WAPL: variants seen among roughly 807,000 people sequenced by gnomAD.
WAPL encodes wings apart-like protein homolog.
WAPL carries 5 observed loss-of-function variants against 121.0 expected under a neutral mutation model. The ratio of observed to expected loss-of-function variants is 0.04; its 90% CI spans 0.02 to 0.09. The LOEUF (loss-of-function observed/expected upper bound fraction) is 0.09, where lower values mean the gene tolerates loss of function less well. Ranked by LOEUF, WAPL falls within the 10% of genes least tolerant of loss-of-function variation. The probability of loss-of-function intolerance (pLI) is 1.00; values close to 1 mark genes in which losing one functional copy is unlikely to be tolerated. For missense variants in WAPL, 999 were observed against 1,410.8 expected (o/e 0.71, Z 4.68); for synonymous variants, 480 against 481.5 (o/e 1.00, Z 0.04).
chr10:86,517,980 G>C lies in WAPL; in HGVS notation c.90C>G (p.Thr30=), dbSNP rs769308513. The change falls in exon 2 of 19, where the codon ACC becomes ACG. Residue 30 remains threonine (T), a synonymous_variant. Transcript: ENST00000298767. ...FDEVFSNKRT[T]LSTKWGETTF... is the part of the protein sequence containing the mutation. ...TGGTCTCTCCCCATTTTGTGCTAAGGGTAGTCCGTTTGTTGGAAAAGACTT... is the reference window on the plus strand; with the variant it reads ...TGGTCTCTCCCCATTTTGTGCTAAGCGTAGTCCGTTTGTTGGAAAAGACTT... 11 of 1,613,964 alleles carry C rather than the reference G, an allele frequency of 6.8e-6. No individual in the cohort carries two copies. Among genetic ancestry groups the C allele is most frequent in the South Asian group, 1.1e-5 (1 of 91,078 alleles).
chr10:86,465,303 T>A (rs999535822), intron 9 of WAPL, among the ~76,000 whole-genome samples: 18 of 152,274 alleles, frequency 1.2e-4, no homozygotes, highest in Middle Eastern at 3.4e-3. Context: ...GGTTCCAGGT[T>A]CAGGCGATTC....
chr10:86,515,521 G>A (rs935217755), intron 2 of WAPL, among the ~76,000 whole-genome samples: 4 of 152,042 alleles, frequency 2.6e-5, no homozygotes, highest in African/African-American at 4.8e-5. Flanking sequence ...GATGGCTCAC[G>A]CTTGCAATCC....
At chr10:86,445,883 T>C (rs1428572378) in intron 16 of WAPL, among the ~76,000 whole-genome samples, 1 of 152,126 alleles carries the variant, frequency 6.6e-6, no homozygotes, top group Admixed American at 6.5e-5. Context: ...AATCTGACAA[T>C]AGATCTTCAA....
intron 3 of WAPL, 86 bp downstream of exon 3, chr10:86,499,632 A>C (rs1474748455): frequency 3.6e-6 from 5 of 1,373,384 alleles, no homozygotes; most frequent in Admixed American, 4.9e-5. Context: ...AATATGGTTG[A>C]CCTTGGGTAA....
At chr10:86,466,261 T>G (rs762861438) in intron 9 of WAPL, among the ~76,000 whole-genome samples, 1 of 152,170 alleles carries the variant, frequency 6.6e-6, no homozygotes, top group African/African-American at 2.4e-5. Flanking sequence ...CTGGGATAAA[T>G]AGATGCTTGC....
At chr10:86,485,669 G>T (rs939386525) in intron 4 of WAPL, among the ~76,000 whole-genome samples, 1 of 152,092 alleles carries the variant, frequency 6.6e-6, no homozygotes, top group Non-Finnish European at 1.5e-5. Flanking sequence ...AAGCCTTTTT[G>T]ACTTATACAG....
intron 4 of WAPL, among the ~76,000 whole-genome samples, chr10:86,493,906 G>A (rs1269276236): frequency 6.6e-6 from 1 of 152,198 alleles, no homozygotes; most frequent in Non-Finnish European, 1.5e-5. Context: ...AGGAGGCTAA[G>A]GCAGGAGAAT....
chr10:86,475,902 T>C (rs1165851965), intron 4 of WAPL, among the ~76,000 whole-genome samples: 1 of 152,196 alleles, frequency 6.6e-6, no homozygotes, highest in Non-Finnish European at 1.5e-5. Context: ...TTGATTGGGC[T>C]AGGCACAGTG....
At chr10:86,479,123 AAC>A (rs1491285435) in intron 4 of WAPL, among the ~76,000 whole-genome samples, 3 of 151,014 alleles carry the variant, frequency 2.0e-5, no homozygotes, top group Non-Finnish European at 4.4e-5. Context: ...AAACAAAAAA[AAC>A]AAAACAACAA....
At chr10:86,445,588 AAT>A (rs746202846) in intron 16 of WAPL, among the ~76,000 whole-genome samples, 23 of 152,032 alleles carry the variant, frequency 1.5e-4, no homozygotes, top group Admixed American at 1.2e-3. Flanking sequence ...GCAGTGGCAC[AAT>A]CATAGCTCAC....
rs1159757301 is a variant in WAPL at position 86,453,801 on chromosome 10, C to A, written c.2688G>T (p.Gln896His). Residue 896 changes from glutamine (Q) to histidine (H), a missense_variant, in exon 13 of 19, where the codon CAG becomes CAT. Physicochemically the swap from Gln to His is conservative, Grantham distance 24 (BLOSUM62 0). Around this residue, in one of 7 missense-constraint regions of WAPL, gnomAD observed 85 missense variants for 133.5 expected, o/e 0.64. Coordinates refer to ENST00000298767, the MANE Select transcript of WAPL (RefSeq NM_015045.5). ...KALQHCEELI[Q>H]QYNRAEDSIC... The stretch of plus-strand genomic sequence containing the variant: ...TGCTGTCCTCAGCACGGTTGTACTG[C>A]TGAATCAGTTCTTCACAATGCTGTA... The A allele has an allele frequency of 1.9e-6, 3 of 1,611,716 alleles. No individual in the cohort carries two copies. The highest frequency in any genetic ancestry group is 2.5e-6 in the Non-Finnish European group (3 of 1,179,432).
intron 2 of WAPL, among the ~76,000 whole-genome samples, chr10:86,507,827 C>T (rs756170555): frequency 2.1e-4 from 32 of 151,970 alleles, no homozygotes; most frequent in Non-Finnish European, 4.4e-4. Flanking sequence ...CCCCTTTCTC[C>T]CCTTTCTCCT....
At chr10:86,484,599 ATAAAG>A (rs1284443579) in intron 4 of WAPL, among the ~76,000 whole-genome samples, 1 of 152,250 alleles carries the variant, frequency 6.6e-6, no homozygotes, top group African/African-American at 2.4e-5. Flanking sequence ...TACAGTCTTT[ATAAAG>A]TCTACAGTAG....
At chr10:86,469,588 G>A (rs1436071234) in intron 8 of WAPL, among the ~76,000 whole-genome samples, 1 of 151,776 alleles carries the variant, frequency 6.6e-6, no homozygotes, top group East Asian at 1.9e-4. Context: ...AATACTGAAG[G>A]TGAAATATTT....
intron 2 of WAPL, among the ~76,000 whole-genome samples, chr10:86,514,105 T>C (rs1478404294): frequency 1.3e-5 from 2 of 152,136 alleles, no homozygotes; most frequent in Non-Finnish European, 2.9e-5. Context: ...GTTTCTAAAT[T>C]TCAATTAAAA....
chr10:86,446,978 C>T (rs977419421), intron 15 of WAPL, among the ~76,000 whole-genome samples: 1 of 152,126 alleles, frequency 6.6e-6, no homozygotes, highest in Non-Finnish European at 1.5e-5. Context: ...AAAATAATAT[C>T]TTTCAGAAAA....
chr10:86,489,398 C>A lies in WAPL; in HGVS notation c.1644+7803G>T, dbSNP rs566370658. ...TAACTCTTTGGTTTTGATGGGTATT[C>A]TGTGGCAGTAAAGCAAAGTGCTCTT... On this transcript the variant is annotated intron_variant, in intron 4 of 18. Transcript: ENST00000298767. Among the ~76,000 whole-genome samples, 29 of 152,260 alleles carry A rather than the reference C, an allele frequency of 1.9e-4. No homozygotes were observed. In the East Asian group the frequency reaches 5.6e-3, roughly 29 times the overall value.
Position 86,517,736 on chromosome 10 carries a change from C to A in WAPL, c.334G>T (p.Val112Leu), listed in dbSNP as rs1842587851. Residue 112 changes from valine (V) to leucine (L), a missense_variant, in exon 2 of 19, where the codon GTA becomes TTA. Transcript: ENST00000298767. ...EAAQLEEVTS[V>L]LEANSKISHV... ...CTAATTTTGCTATTAGCTTCAAGTA[C>A]TGAAGTGACCTCTTCCAACTGAGCA... 3 of 1,614,006 alleles carry A rather than the reference C, an allele frequency of 1.9e-6. No individual in the cohort carries two copies. In the Admixed American group the frequency reaches 5.0e-5, roughly 27 times the overall value.
rs1289565256 is a variant in WAPL, at chr10:86,499,857, T to G, written c.1386A>C (p.Glu462Asp). The G allele has an allele frequency of 1.2e-6, 2 of 1,614,060 alleles. No individual in the cohort carries two copies. The highest frequency in any genetic ancestry group is 2.2e-5 in the South Asian group (2 of 91,044). ...CTTGACAGTCATCATCTTCATCATCTTCGCTTTCACTGAGATCATCAAAGC... is the reference window on the plus strand; with the variant it reads ...CTTGACAGTCATCATCTTCATCATCGTCGCTTTCACTGAGATCATCAAAGC... ...YFGFDDLSES[E>D]DDEDDDCQVE... Residue 462 changes from glutamate to aspartate, a missense_variant, in exon 3 of 19, where the codon GAA becomes GAC. Physicochemically the swap from Glu to Asp is conservative, Grantham distance 45. This residue lies in a region of WAPL where 531 missense variants were observed against 563.1 expected (regional missense o/e 0.94). Coordinates refer to ENST00000298767, the MANE Select transcript of WAPL (RefSeq NM_015045.5).
Sources: gnomAD v4.1 joint callset for allele counts (sites outside exome capture counted in the v4.1 genomes callset) on GRCh38, gnomAD v4.1.1 for gene constraint, gnomAD v4.1.1 regional missense constraint, MANE v1.5 for transcripts, NCBI Gene and HGNC (gene_info 2026-07-23, HGNC 2026-07-21) for gene names.